Variants in HMCN1 observed in about 807,000 individuals in gnomAD.
The protein encoded by HMCN1 is hemicentin 1.
A neutral mutation model predicts 625.9 loss-of-function variants in HMCN1; 321 were observed. The ratio of observed to expected loss-of-function variants is 0.51; its 90% CI spans 0.47 to 0.56. HMCN1 has a LOEUF of 0.56. HMCN1 is among the 20% of genes least tolerant of loss of function. The pLI, the probability that HMCN1 is intolerant of heterozygous loss-of-function variation, is 0.00. For synonymous variants in HMCN1, 2,425 were observed against 2,417.6 expected (o/e 1.00, Z -0.09); for missense variants, 6,588 against 6,887.3 (o/e 0.96, Z 1.54).
intron 1 of HMCN1, among the ~76,000 whole-genome samples, chr1:185,766,274 G>A (rs769950412): frequency 2.0e-5 from 3 of 152,038 alleles, no homozygotes; most frequent in Non-Finnish European, 2.9e-5. Context: ...GAATTGCCTG[G>A]CCAAAATCTC....
Position 186,112,880 on chromosome 1 carries a change from T to C in HMCN1, c.11058T>C (p.Asp3686=). The C allele has an allele frequency of 2.5e-6, 4 of 1,614,160 alleles. No homozygotes were observed. Among genetic ancestry groups the C allele is most frequent in the Non-Finnish European group, 3.4e-6 (4 of 1,179,988 alleles). The change falls in exon 72 of 107, where the codon GAT becomes GAC. Residue 3686 remains aspartate, a synonymous_variant. Coordinates refer to ENST00000271588, the MANE Select transcript of HMCN1 (RefSeq NM_031935.3). ...YLQINNADLG[D]TANYTCVASN... is the part of the protein sequence containing the mutation. ...AAATCAACAATGCTGACCTAGGTGATACAGCCAATTATACCTGTGTTGCCA... is the reference window on the plus strand; with the variant it reads ...AAATCAACAATGCTGACCTAGGTGACACAGCCAATTATACCTGTGTTGCCA...
chr1:186,088,134 G>GT lies in HMCN1; in HGVS notation c.9446-5dup, dbSNP rs748343459. On this transcript the variant is annotated splice_polypyrimidine_tract_variant and intron_variant, in intron 61 of 106. Transcript: ENST00000271588. ...TGTTTTTTTGTTTGTTTGTTTGTTT[G>GT]TTTTTTACAGTGCCACCCAGTATTG... 1.7e-5 allele frequency: 27 copies of GT among 1,602,372 alleles called. No homozygotes were observed. In the East Asian group the frequency reaches 4.3e-4, roughly 25 times the overall value.
intron 102 of HMCN1, 25 bp from the exon 103 acceptor site, chr1:186,174,489 C>G: frequency 1.9e-6 from 3 of 1,612,726 alleles, no homozygotes; most frequent in Non-Finnish European, 2.5e-6. Context: ...GGAAATGTTA[C>G]TTCTCATTGC....
intron 59 of HMCN1, 51 bp downstream of exon 59, chr1:186,087,381 A>C: frequency 6.3e-7 from 1 of 1,599,464 alleles, no homozygotes; most frequent in Non-Finnish European, 8.6e-7. Flanking sequence ...ACTGGTATTC[A>C]ATATTTTCTA....
chr1:186,038,950 C>G lies in HMCN1; in HGVS notation c.5973C>G (p.Cys1991Trp). Residue 1991 changes from cysteine to tryptophan, a missense_variant, in exon 38 of 107, where the codon TGC (cysteine) becomes TGG (tryptophan). By Grantham distance (215) the Cys-to-Trp change is radical (BLOSUM62 -2). Around this residue, in one of 3 missense-constraint regions of HMCN1, gnomAD observed 4,628 missense variants for 4,853.1 expected, o/e 0.95. Coordinates refer to ENST00000271588, the MANE Select transcript of HMCN1 (RefSeq NM_031935.3). ...TCTCAGATGCTGGCATATATAAATG[C>G]GTGGCCATCAACTCAGCTGGAGCTA... ...AQISDAGIYK[C>W]VAINSAGATE... 1 of 1,612,230 alleles carries G rather than the reference C, an allele frequency of 6.2e-7. No individual in the cohort carries two copies. The highest frequency in any genetic ancestry group is 8.5e-7 in the Non-Finnish European group (1 of 1,178,508).
chr1:185,771,308 C>A (rs1656226490), intron 1 of HMCN1, among the ~76,000 whole-genome samples: 1 of 152,080 alleles, frequency 6.6e-6, no homozygotes, highest in Admixed American at 6.6e-5. Flanking sequence ...TGCTGTTCAC[C>A]CTGATCAAAG....
intron 1 of HMCN1, among the ~76,000 whole-genome samples, chr1:185,807,525 A>G (rs1659246355): frequency 6.6e-6 from 1 of 152,232 alleles, no homozygotes; most frequent in Non-Finnish European, 1.5e-5. Flanking sequence ...ACATGCACAT[A>G]TTAGCATACA....
chr1:185,889,676 G>T (rs1312013727), intron 4 of HMCN1, among the ~76,000 whole-genome samples: 2 of 138,652 alleles, frequency 1.4e-5, no homozygotes, highest in Middle Eastern at 3.4e-3. Flanking sequence ...GATCATGGTG[G>T]ATAAGCTTTT....
In HMCN1 at chr1:185,896,775, G is replaced by A. The variant is rs115023216; in HGVS notation, c.622-12562G>A. ...GAATAGAATAGTTTTGCAAACCTCT[G>A]TTGTGAAGGAATACAAAATGAACGA... On this transcript the variant is annotated intron_variant, in intron 4 of 106. Coordinates refer to ENST00000271588, the MANE Select transcript of HMCN1 (RefSeq NM_031935.3). Among the ~76,000 whole-genome samples, 1,116 of 152,216 alleles carry A rather than the reference G, an allele frequency of 7.3e-3. 8 individuals are homozygous for A. Among genetic ancestry groups the A allele is most frequent in the African/African-American group, 0.026 (1,073 of 41,530 alleles).
At chr1:186,026,791 T>C (rs1409221074) in intron 36 of HMCN1, among the ~76,000 whole-genome samples, 3 of 152,008 alleles carry the variant, frequency 2.0e-5, no homozygotes, top group African/African-American at 7.2e-5. Flanking sequence ...AATGCCACCA[T>C]GCCTGGCTAA....
rs1653701838 is a variant in HMCN1, at chr1:186,007,247, G to T, written c.4595G>T (p.Gly1532Val). 4.3e-6 allele frequency: 7 copies of T among 1,613,640 alleles called. No homozygotes were observed. Among genetic ancestry groups the T allele is most frequent in the Non-Finnish European group, 5.9e-6 (7 of 1,179,712 alleles). ...RYQCTVSNAA[G>V]KQAKDIKLTI... ...CAATGTACTGTGTCTAATGCAGCTG[G>T]CAAACAAGCCAAGGATATAAAACTG... is the stretch of plus-strand genomic sequence containing the variant. Residue 1532 changes from glycine (G) to valine (V), a missense_variant, in exon 30 of 107, where the codon GGC (glycine) becomes GTC (valine). Around this residue, in one of 3 missense-constraint regions of HMCN1, gnomAD observed 4,628 missense variants for 4,853.1 expected, o/e 0.95. Transcript: ENST00000271588.
At chr1:186,094,395 C>T in intron 67 of HMCN1, 22 bp downstream of exon 67, 1 of 1,549,138 alleles carries the variant, frequency 6.5e-7, no homozygotes, top group Non-Finnish European at 8.9e-7. Context: ...AGAAATGACC[C>T]TATTACTTTG....
intron 36 of HMCN1, among the ~76,000 whole-genome samples, chr1:186,031,634 C>T (rs539370235): frequency 1.1e-4 from 17 of 152,126 alleles, no homozygotes; most frequent in African/African-American, 4.1e-4. Context: ...TCCTCTGGTA[C>T]TCCCATTATG....
chr1:186,155,169 A>G (rs1300311979), intron 97 of HMCN1, among the ~76,000 whole-genome samples: 2 of 152,234 alleles, frequency 1.3e-5, no homozygotes, highest in East Asian at 1.9e-4. Context: ...TGCTTCCATC[A>G]GTCATGCTTA....
rs745948290 is a variant in HMCN1 at position 186,128,385 on chromosome 1, A to G, written c.12904+94A>G. On this transcript the variant is annotated intron_variant, in intron 83 of 106. Transcript: ENST00000271588. ...CTCCAGCTGTGAAAATTGAAAAGTA[A>G]CAAGAATTGATTGCTTTAAATGCTG... 537 of 1,012,108 alleles carry G rather than the reference A, an allele frequency of 5.3e-4. 7 individuals are homozygous for G. Among genetic ancestry groups the G allele is most frequent in the Middle Eastern group, 2.8e-4 (1 of 3,510 alleles). The allele number at this position is 1,012,108 out of a possible 1,614,324, so 62.7% of individuals were successfully genotyped here.
rs763411017 is a variant in HMCN1 at position 186,003,783 on chromosome 1, G to A, written c.4414G>A (p.Ala1472Thr). The change falls in exon 29 of 107, where the codon GCC (alanine) becomes ACC (threonine). Residue 1472 changes from alanine to threonine, a missense_variant. Transcript: ENST00000271588. Reference sequence around the variant, plus strand: ...CTCAGTTGTCCTCAACCGTGACGTCGCCCTTGAATGCCAGGTCAAAGGCAC... The same window carrying A: ...CTCAGTTGTCCTCAACCGTGACGTCACCCTTGAATGCCAGGTCAAAGGCAC... ...EVSVVLNRDVALECQVKGTPF... is the reference protein window; with the variant it reads ...EVSVVLNRDVTLECQVKGTPF... The A allele has an allele frequency of 2.5e-5, 40 of 1,612,624 alleles. 1 individual carries two copies. Among genetic ancestry groups the A allele is most frequent in the Middle Eastern group, 1.6e-4 (1 of 6,078 alleles).
At chr1:185,980,950 G>T in intron 16 of HMCN1, 28 bp from the exon 17 acceptor site, 1 of 1,277,722 alleles carries the variant, frequency 7.8e-7, no homozygotes, top group Non-Finnish European at 1.1e-6. Flanking sequence ...AGATGGTATT[G>T]GATGAGTAAA....
At chr1:186,065,556 G>A (rs1437271717) in intron 49 of HMCN1, 127 bp downstream of exon 49, 3 of 609,696 alleles carry the variant, frequency 4.9e-6, no homozygotes, top group Non-Finnish European at 8.2e-6. Flanking sequence ...ACCAGTGCTT[G>A]TGTACATTTA....
chr1:185,734,890 G>T lies in HMCN1; in HGVS notation c.111G>T (p.Glu37Asp), dbSNP rs1653451004. ...AGATCAGAGCTGAGGAAATTCCCGA[G>T]GGGGCCTCCACGTTGGCTTTTGTGT... ...QSEIRAEEIP[E>D]GASTLAFVFD... is the part of the protein sequence containing the mutation. Residue 37 changes from glutamate to aspartate, a missense_variant, in exon 1 of 107, where the codon GAG becomes GAT. Coordinates refer to ENST00000271588, the MANE Select transcript of HMCN1 (RefSeq NM_031935.3). The T allele has an allele frequency of 1.2e-6, 2 of 1,614,074 alleles. No individual in the cohort carries two copies. The highest frequency in any genetic ancestry group is 1.7e-5 in the Admixed American group (1 of 60,004).
Sources: allele counts gnomAD v4.1 joint callset (sites outside exome capture counted in the v4.1 genomes callset), GRCh38; gene constraint gnomAD v4.1.1; regional missense constraint gnomAD v4.1.1; transcripts MANE v1.5; gene names NCBI Gene and HGNC (gene_info 2026-07-23, HGNC 2026-07-21).